The following RPS6KA5 variants were observed in gnomAD, a reference collection of about 807,000 sequenced individuals.
RPS6KA5 encodes the protein ribosomal protein S6 kinase alpha-5.
In RPS6KA5, 27 loss-of-function variants were observed where a neutral mutation model predicts 85.5. The ratio of observed to expected loss-of-function variants is 0.32; its 90% CI spans 0.23 to 0.44. The LOEUF is 0.44. Ranked by LOEUF, RPS6KA5 falls within the 20% of genes least tolerant of loss-of-function variation. The probability of loss-of-function intolerance (pLI) is 1.00; values close to 1 mark genes in which losing one functional copy is unlikely to be tolerated. For missense variants in RPS6KA5, 811 were observed against 980.9 expected (o/e 0.83, Z 2.31); for synonymous variants, 334 against 348.2 (o/e 0.96, Z 0.46).
chr14:90,930,701 C>T (rs1366508814), intron 5 of RPS6KA5, among the ~76,000 whole-genome samples: 1 of 152,032 alleles, frequency 6.6e-6, no homozygotes, highest in African/African-American at 2.4e-5. Flanking sequence ...CCACAAATAA[C>T]CTGATTTTAA....
chr14:90,888,593 C>T (rs1448555031), intron 14 of RPS6KA5, among the ~76,000 whole-genome samples: 1 of 152,068 alleles, frequency 6.6e-6, no homozygotes, highest in Non-Finnish European at 1.5e-5. Flanking sequence ...GAAGAACCAT[C>T]CTGCAGGGAC....
At chr14:91,045,549 C>G (rs2042837994) in intron 1 of RPS6KA5, among the ~76,000 whole-genome samples, 1 of 152,180 alleles carries the variant, frequency 6.6e-6, no homozygotes, top group African/African-American at 2.4e-5. Flanking sequence ...CAGGCATGAG[C>G]CACCGCGCCT....
At chr14:90,898,244 G>A (rs2034951765) in intron 12 of RPS6KA5, among the ~76,000 whole-genome samples, 1 of 152,156 alleles carries the variant, frequency 6.6e-6, no homozygotes, top group South Asian at 2.1e-4. Flanking sequence ...CTCACCTCAT[G>A]GACCTATGGT....
At chr14:90,991,939 C>G (rs1595421297) in intron 2 of RPS6KA5, among the ~76,000 whole-genome samples, 2 of 151,996 alleles carry the variant, frequency 1.3e-5, no homozygotes, top group Non-Finnish European at 2.9e-5. Flanking sequence ...AAATATTCCA[C>G]AGTCTTCAAG....
intron 2 of RPS6KA5, among the ~76,000 whole-genome samples, chr14:90,987,699 C>CAG (rs56955525): frequency 1.5e-4 from 22 of 149,584 alleles, no homozygotes; most frequent in African/African-American, 3.5e-4. Flanking sequence ...GCAGCAGCAG[C>CAG]CACAACAACA....
chr14:90,973,101 T>C (rs1010114716), intron 3 of RPS6KA5, among the ~76,000 whole-genome samples: 2 of 152,162 alleles, frequency 1.3e-5, no homozygotes, highest in Admixed American at 1.3e-4. Context: ...CTGATGGGAA[T>C]GTAAAATGGT....
intron 1 of RPS6KA5, among the ~76,000 whole-genome samples, chr14:91,030,018 G>A (rs1392354491): frequency 6.6e-6 from 1 of 152,182 alleles, no homozygotes; most frequent in Admixed American, 6.5e-5. Context: ...TGACTCAGCA[G>A]AATGGGAAAA....
chr14:90,969,246 T>C (rs3783833), intron 3 of RPS6KA5, among the ~76,000 whole-genome samples: 25,614 of 152,202 alleles, frequency 0.17, 2,438 homozygotes, highest in East Asian at 0.32. Context: ...TAATACCTTA[T>C]GGAATTAACG....
chr14:90,983,805 C>CTCTCTG (rs749568978), intron 2 of RPS6KA5, among the ~76,000 whole-genome samples: 1,345 of 124,588 alleles, frequency 0.011, 20 homozygotes, highest in African/African-American at 0.022. Flanking sequence ...CTCTCTCTCT[C>CTCTCTG]TCTCTCTCTC....
intron 13 of RPS6KA5, among the ~76,000 whole-genome samples, chr14:90,893,355 A>G (rs1382763702): frequency 6.6e-6 from 1 of 152,242 alleles, no homozygotes; most frequent in Non-Finnish European, 1.5e-5. Context: ...AATTACTAGT[A>G]CTGTGAATAA....
intron 2 of RPS6KA5, among the ~76,000 whole-genome samples, chr14:90,997,920 G>A (rs2040598946): frequency 6.6e-6 from 1 of 151,530 alleles, no homozygotes; most frequent in African/African-American, 2.4e-5. Flanking sequence ...GGCTGAGGCA[G>A]GGGAATTACT....
Position 90,871,985 on chromosome 14 carries a change from G to T in RPS6KA5, c.*89C>A. 1 of 1,493,202 alleles carries T rather than the reference G, an allele frequency of 6.7e-7. No homozygotes were observed. Among genetic ancestry groups the T allele is most frequent in the Non-Finnish European group, 9.0e-7 (1 of 1,114,624 alleles). The allele number at this position is 1,493,202 out of a possible 1,614,324, so 92.5% of individuals were successfully genotyped here. On this transcript the variant is annotated 3_prime_UTR_variant, in exon 17 of 17. Coordinates refer to ENST00000614987, the MANE Select transcript of RPS6KA5 (RefSeq NM_004755.4). ...GAGGCAGATTCCAATGAGACCAACG[G>T]GAAACATTTTTAAAAGCATAAAAGA...
At chr14:91,017,573 G>C (rs2041559904) in intron 1 of RPS6KA5, among the ~76,000 whole-genome samples, 1 of 152,178 alleles carries the variant, frequency 6.6e-6, no homozygotes, top group African/African-American at 2.4e-5. Context: ...ATTCCTTGCA[G>C]GGCTGGGGCA....
chr14:90,961,056 A>G (rs1595344997), intron 3 of RPS6KA5, among the ~76,000 whole-genome samples: 1 of 152,208 alleles, frequency 6.6e-6, no homozygotes, highest in South Asian at 2.1e-4. Context: ...ATCCGGATGT[A>G]AAACAATGAC....
Position 90,857,822 on chromosome 14 carries a change from A to G in RPS6KA5, c.*14252T>C, listed in dbSNP as rs2032360417. 1 of 152,234 alleles carries G rather than the reference A, an allele frequency of 6.6e-6. No individual in the cohort carries two copies. The allele number at this position is 152,234 out of a possible 1,614,324, so 9.4% of individuals were successfully genotyped here. ...AGCCTTTCTATAAAAACAGGCTGCA[A>G]GTGCCAAAGTGACACAGATCTTATC... On this transcript the variant is annotated 3_prime_UTR_variant, in exon 17 of 17. Coordinates refer to ENST00000614987, the MANE Select transcript of RPS6KA5 (RefSeq NM_004755.4).
At chr14:90,966,304 G>A (rs2039059210) in intron 3 of RPS6KA5, among the ~76,000 whole-genome samples, 1 of 152,202 alleles carries the variant, frequency 6.6e-6, no homozygotes, top group South Asian at 2.1e-4. Context: ...GGTCTTCTGT[G>A]ACAGGGGCTG....
At chr14:90,908,002 A>G (rs1445540413) in intron 7 of RPS6KA5, among the ~76,000 whole-genome samples, 1 of 152,262 alleles carries the variant, frequency 6.6e-6, no homozygotes, top group East Asian at 1.9e-4. Flanking sequence ...AAATATATGC[A>G]CTTTGGCTGA....
intron 2 of RPS6KA5, among the ~76,000 whole-genome samples, chr14:90,981,559 T>C (rs373723199): frequency 6.6e-6 from 1 of 152,352 alleles, no homozygotes; most frequent in East Asian, 1.9e-4. Context: ...TATGGTCAAA[T>C]AATACGCAAT....
At chr14:91,051,037 G>A (rs1412768375) in intron 1 of RPS6KA5, among the ~76,000 whole-genome samples, 1 of 151,860 alleles carries the variant, frequency 6.6e-6, no homozygotes, top group African/African-American at 2.4e-5. Context: ...AGACCAGCCT[G>A]GCCAACATAG....
Sources: gnomAD v4.1 joint callset for allele counts (sites outside exome capture counted in the v4.1 genomes callset) on GRCh38, gnomAD v4.1.1 for gene constraint, MANE v1.5 for transcripts, NCBI Gene and HGNC (gene_info 2026-07-23, HGNC 2026-07-21) for gene names.